VANGL1: variants seen among roughly 807,000 people sequenced by gnomAD.
The protein encoded by VANGL1 is VANGL planar cell polarity protein 1.
Under a neutral mutation model 48.4 loss-of-function variants are expected in VANGL1, and 18 were observed. The ratio of observed to expected loss-of-function variants is 0.37; its 90% CI spans 0.26 to 0.55. The LOEUF (loss-of-function observed/expected upper bound fraction) is 0.55. Among genes scored for constraint, VANGL1 ranks in the 20% least tolerant of loss-of-function variants. The pLI, the probability that VANGL1 is intolerant of heterozygous loss-of-function variation, is 0.81. For synonymous variants in VANGL1, 257 were observed against 261.8 expected (o/e 0.98, Z 0.18); for missense variants, 667 against 675.8 (o/e 0.99, Z 0.14).
chr1:115,673,747 A>G (rs1400322549), intron 4 of VANGL1, among the ~76,000 whole-genome samples: 1 of 151,760 alleles, frequency 6.6e-6, no homozygotes, highest in African/African-American at 2.4e-5. Context: ...TTACAGATGC[A>G]TGCCACCACA....
At chr1:115,674,145 CTGCCTGGAATT>C (rs1233016661) in intron 4 of VANGL1, among the ~76,000 whole-genome samples, 1 of 152,198 alleles carries the variant, frequency 6.6e-6, no homozygotes, top group Non-Finnish European at 1.5e-5. Context: ...ACTGCTTTCT[CTGCCTGGAATT>C]TGCTTTACAG....
chr1:115,654,683 GC>G (rs1300322898), intron 2 of VANGL1, among the ~76,000 whole-genome samples: 2 of 152,088 alleles, frequency 1.3e-5, no homozygotes, highest in African/African-American at 4.8e-5. Context: ...AGCAGCACCT[GC>G]CCCGAGCTCC....
chr1:115,674,844 C>T (rs928259270), intron 4 of VANGL1, among the ~76,000 whole-genome samples: 3 of 152,018 alleles, frequency 2.0e-5, no homozygotes, highest in South Asian at 4.2e-4. Context: ...ATGTTAATTT[C>T]GGATTTTAAT....
At chr1:115,668,022 G>A (rs147655140) in intron 4 of VANGL1, among the ~76,000 whole-genome samples, 1 of 152,136 alleles carries the variant, frequency 6.6e-6, no homozygotes, top group African/African-American at 2.4e-5. Flanking sequence ...CTTTTAATGT[G>A]CAACTCAGTT....
intron 4 of VANGL1, among the ~76,000 whole-genome samples, chr1:115,672,845 T>A (rs1467159819): frequency 1.3e-5 from 2 of 152,272 alleles, no homozygotes; most frequent in East Asian, 3.9e-4. Flanking sequence ...TATATTCTCT[T>A]CTCTGGGACT....
chr1:115,677,706 C>T (rs923730045), intron 4 of VANGL1, among the ~76,000 whole-genome samples: 5 of 152,206 alleles, frequency 3.3e-5, no homozygotes, highest in Non-Finnish European at 7.3e-5. Context: ...AGTCCTCTAT[C>T]TTGGGAAAAT....
chr1:115,684,638 T>G (rs1470865992), intron 6 of VANGL1, among the ~76,000 whole-genome samples: 2 of 151,974 alleles, frequency 1.3e-5, no homozygotes, highest in Non-Finnish European at 2.9e-5. Flanking sequence ...ACCCAATAGG[T>G]GTGGAGTTGG....
intron 4 of VANGL1, among the ~76,000 whole-genome samples, chr1:115,665,974 G>T (rs1256269240): frequency 6.6e-6 from 1 of 152,164 alleles, no homozygotes; most frequent in Non-Finnish European, 1.5e-5. Flanking sequence ...AACAGGCCTG[G>T]GGGTATAGGT....
Position 115,685,518 on chromosome 1 carries a change from G to A in VANGL1, c.1305G>A (p.Met435Ile). The change falls in exon 7 of 8, where the codon ATG (methionine) becomes ATA (isoleucine). Residue 435 changes from methionine to isoleucine, a missense_variant. By Grantham distance (10) the Met-to-Ile change is conservative. Coordinates refer to ENST00000355485, the MANE Select transcript of VANGL1 (RefSeq NM_138959.3). The stretch of plus-strand genomic sequence containing the variant: ...TGGCCTTCTGCATCACCAACGGCAT[G>A]ACCCCCAAGGTGCGCTGCTCCGGGC... ...QHLAFCITNGMTPKAFLERYL... is the reference protein window; with the variant it reads ...QHLAFCITNGITPKAFLERYL... The A allele has an allele frequency of 6.2e-7, 1 of 1,614,018 alleles. No individual in the cohort carries two copies. The highest frequency in any genetic ancestry group is 8.5e-7 in the Non-Finnish European group (1 of 1,180,014).
At chr1:115,663,297 C>A (rs1188535653) in intron 3 of VANGL1, among the ~76,000 whole-genome samples, 1 of 152,194 alleles carries the variant, frequency 6.6e-6, no homozygotes, top group Non-Finnish European at 1.5e-5. Context: ...TGAGCTCTCA[C>A]AAGATTAGTC....
rs1485836937 is a variant in VANGL1, at chr1:115,693,179, A to G, written c.*1800A>G. 3.3e-5 allele frequency: 5 copies of G among 152,668 alleles called. No homozygotes were observed. Among genetic ancestry groups the G allele is most frequent in the Admixed American group, 1.3e-4 (2 of 15,288 alleles). 9.5% of individuals were successfully genotyped at this position (152,668 alleles called of 1,614,324 possible). On this transcript the variant is annotated 3_prime_UTR_variant, in exon 8 of 8. Coordinates refer to ENST00000355485, the MANE Select transcript of VANGL1 (RefSeq NM_138959.3). ...ATGTGTTTCTGTTTATAAAAAACAC[A>G]TACCATGGAACCATGGTGCTTTTGT...
In VANGL1 at chr1:115,664,017, C is replaced by T; in HGVS notation, c.561C>T (p.Ala187=). 1.2e-6 allele frequency: 2 copies of T among 1,614,158 alleles called. No homozygotes were observed. The highest frequency in any genetic ancestry group is 1.7e-6 in the Non-Finnish European group (2 of 1,180,036). The change falls in exon 4 of 8, where the codon GCC becomes GCT. Residue 187 remains alanine, a synonymous_variant. Transcript: ENST00000355485. Reference sequence around the variant, plus strand: ...TGCCACGGGTGTTTGTGTTTCGTGCCCTTTTGTTGGTCCTCATCTTTCTCT... The same window carrying T: ...TGCCACGGGTGTTTGTGTTTCGTGCTCTTTTGTTGGTCCTCATCTTTCTCT... ...ADMPRVFVFR[A]LLLVLIFLFV... is the part of the protein sequence containing the mutation.
intron 7 of VANGL1, among the ~76,000 whole-genome samples, chr1:115,686,756 T>C (rs931507103): frequency 1.3e-5 from 2 of 152,236 alleles, no homozygotes; most frequent in African/African-American, 4.8e-5. Context: ...GCATTATTTT[T>C]ACCAATAATA....
intron 4 of VANGL1, among the ~76,000 whole-genome samples, chr1:115,665,501 G>A (rs1460753936): frequency 1.3e-5 from 2 of 152,230 alleles, no homozygotes; most frequent in African/African-American, 4.8e-5. Context: ...ATTTGGCTGG[G>A]CTCCAGGAAG....
rs746915495 is a variant in VANGL1 at position 115,691,467 on chromosome 1, ATTC to A, written c.*95_*97del. 2.6e-4 allele frequency: 366 copies of A among 1,381,920 alleles called. No individual in the cohort carries two copies. Among genetic ancestry groups the A allele is most frequent in the Non-Finnish European group, 3.3e-4 (336 of 1,030,034 alleles). 85.6% of individuals were successfully genotyped at this position (1,381,920 alleles called of 1,614,324 possible). A position where few individuals can be genotyped will look rare whatever the true frequency, so the allele number is the denominator to read the frequency against. On this transcript the variant is annotated 3_prime_UTR_variant, in exon 8 of 8. Coordinates refer to ENST00000355485, the MANE Select transcript of VANGL1 (RefSeq NM_138959.3). ...TGCCAGAGGGGTGTCTTTTTTAAAAATTCTTCTTCATTGCTGACTGAAACTGGC... is the reference window on the plus strand; with the variant it reads ...TGCCAGAGGGGTGTCTTTTTTAAAAATTCTTCATTGCTGACTGAAACTGGC...
chr1:115,688,074 T>C (rs1264069733), intron 7 of VANGL1, among the ~76,000 whole-genome samples: 1 of 136,930 alleles, frequency 7.3e-6, no homozygotes, highest in Non-Finnish European at 1.6e-5. Context: ...TAGATAGAGA[T>C]TTACATACTA....
In VANGL1 at chr1:115,651,472, C is replaced by T; in HGVS notation, c.59C>T (p.Ser20Phe). ...YSYYSSHSKK[S>F]HRQGERTRER... is the part of the protein sequence containing the mutation. Reference sequence around the variant, plus strand: ...TACTATTCAAGTCATTCGAAAAAATCTCACAGACAAGGGTATGTAAGTTGT... The same window carrying T: ...TACTATTCAAGTCATTCGAAAAAATTTCACAGACAAGGGTATGTAAGTTGT... Residue 20 changes from serine (S) to phenylalanine (F), a missense_variant, in exon 2 of 8, where the codon TCT becomes TTT. Physicochemically the swap from Ser to Phe is radical, Grantham distance 155 (BLOSUM62 -2). Coordinates refer to ENST00000355485, the MANE Select transcript of VANGL1 (RefSeq NM_138959.3). 1 of 1,614,008 alleles carries T rather than the reference C, an allele frequency of 6.2e-7. No individual in the cohort carries two copies. The highest frequency in any genetic ancestry group is 8.5e-7 in the Non-Finnish European group (1 of 1,179,916).
rs748761459 is a variant in VANGL1 at position 115,664,052 on chromosome 1, C to G, written c.596C>G (p.Ser199Cys). ...LLVLIFLFVVSYWLFYGVRIL... is the reference protein window; with the variant it reads ...LLVLIFLFVVCYWLFYGVRIL... ...GTCCTCATCTTTCTCTTTGTGGTTT[C>G]CTATTGGCTTTTTTACGGGGTCCGC... is the stretch of plus-strand genomic sequence containing the variant. The change falls in exon 4 of 8, where the codon TCC (serine) becomes TGC (cysteine). Residue 199 changes from serine (S) to cysteine (C), a missense_variant. Ser to Cys is a moderately radical substitution (Grantham distance 112, BLOSUM62 -1). Coordinates refer to ENST00000355485, the MANE Select transcript of VANGL1 (RefSeq NM_138959.3). The G allele has an allele frequency of 6.2e-7, 1 of 1,614,140 alleles. No homozygotes were observed. The highest frequency in any genetic ancestry group is 8.5e-7 in the Non-Finnish European group (1 of 1,180,030).
In VANGL1 at chr1:115,683,291, G is replaced by A. The variant is rs1448931049; in HGVS notation, c.947-653G>A. Among the ~76,000 whole-genome samples, 6 of 152,186 alleles carry A rather than the reference G, an allele frequency of 3.9e-5. No homozygotes were observed. The South Asian group carries it at 8.3e-4, about 21-fold the overall frequency. ...AAGTCACCAGCCAAGTAGATCATCCGTAAGAAAGCCTGAAATCTGCCTATG... is the reference window on the plus strand; with the variant it reads ...AAGTCACCAGCCAAGTAGATCATCCATAAGAAAGCCTGAAATCTGCCTATG... On this transcript the variant is annotated intron_variant, in intron 5 of 7. Coordinates refer to ENST00000355485, the MANE Select transcript of VANGL1 (RefSeq NM_138959.3).
Sources: allele counts gnomAD v4.1 joint callset (sites outside exome capture counted in the v4.1 genomes callset), GRCh38; gene constraint gnomAD v4.1.1; transcripts MANE v1.5; gene names NCBI Gene and HGNC (gene_info 2026-07-23, HGNC 2026-07-21).